BMP6: variants seen among roughly 807,000 people sequenced by gnomAD.
The protein encoded by BMP6 is VG-1-R.
In BMP6, 17 loss-of-function variants were observed where a neutral mutation model predicts 54.1. The ratio of observed to expected loss-of-function variants is 0.31; its 90% confidence interval spans 0.22 to 0.47. The LOEUF is 0.47. Among genes scored for constraint, BMP6 ranks in the 20% least tolerant of loss-of-function variants. BMP6 has a pLI of 1.00. For synonymous variants in BMP6, 328 were observed against 291.2 expected (o/e 1.13, Z -1.28); for missense variants, 720 against 690.4 (o/e 1.04, Z -0.48).
At chr6:7,847,252 T>C (rs531552407) in intron 2 of BMP6, among the ~76,000 whole-genome samples, 2 of 152,320 alleles carry the variant, frequency 1.3e-5, no homozygotes, top group South Asian at 2.1e-4. Context: ...ATTTGGCACC[T>C]GCATGTGTTT....
chr6:7,849,741 T>C (rs1759115497), intron 2 of BMP6, among the ~76,000 whole-genome samples: 1 of 152,252 alleles, frequency 6.6e-6, no homozygotes, highest in African/African-American at 2.4e-5. Flanking sequence ...ACGTTCAATA[T>C]CTGAACCGTG....
At chr6:7,813,439 A>G (rs1252610950) in intron 1 of BMP6, among the ~76,000 whole-genome samples, 1 of 114,680 alleles carries the variant, frequency 8.7e-6, no homozygotes, top group Non-Finnish European at 1.7e-5. Flanking sequence ...TGGGCAACAT[A>G]GTGAGATCCC....
At chr6:7,781,825 G>A (rs1757953082) in intron 1 of BMP6, among the ~76,000 whole-genome samples, 1 of 151,492 alleles carries the variant, frequency 6.6e-6, no homozygotes, top group Non-Finnish European at 1.5e-5. Context: ...GTCAGTGGGG[G>A]AATATGAAAC....
chr6:7,876,709 C>A (rs139749466), intron 4 of BMP6, among the ~76,000 whole-genome samples: 2 of 152,254 alleles, frequency 1.3e-5, no homozygotes, highest in Non-Finnish European at 2.9e-5. Context: ...TTAATCTGAT[C>A]TTTAGTTATA....
chr6:7,753,580 A>G (rs1757458630), intron 1 of BMP6, among the ~76,000 whole-genome samples: 1 of 152,208 alleles, frequency 6.6e-6, no homozygotes, highest in South Asian at 2.1e-4. Flanking sequence ...CACCCATATT[A>G]CAAAGAGCTT....
At chr6:7,782,489 T>C (rs1426825570) in intron 1 of BMP6, among the ~76,000 whole-genome samples, 1 of 152,060 alleles carries the variant, frequency 6.6e-6, no homozygotes, top group Non-Finnish European at 1.5e-5. Context: ...GGCGGGCAGA[T>C]TACCTGAGGT....
intron 1 of BMP6, among the ~76,000 whole-genome samples, chr6:7,765,839 T>A (rs1450165714): frequency 1.3e-5 from 2 of 152,228 alleles, no homozygotes; most frequent in Non-Finnish European, 2.9e-5. Flanking sequence ...CTGTTTCCAG[T>A]TCCTAGTAAC....
At chr6:7,821,739 A>C (rs1362504344) in intron 1 of BMP6, among the ~76,000 whole-genome samples, 2 of 152,204 alleles carry the variant, frequency 1.3e-5, no homozygotes. Flanking sequence ...AGATGCAGTA[A>C]GATCGTGCAC....
chr6:7,876,685 A>G (rs1759623501), intron 4 of BMP6, among the ~76,000 whole-genome samples: 1 of 152,184 alleles, frequency 6.6e-6, no homozygotes, highest in Non-Finnish European at 1.5e-5. Context: ...TTAGACAACT[A>G]ATGTTTAACC....
At chr6:7,785,048 C>A (rs967743174) in intron 1 of BMP6, among the ~76,000 whole-genome samples, 1 of 152,242 alleles carries the variant, frequency 6.6e-6, no homozygotes, top group Non-Finnish European at 1.5e-5. Flanking sequence ...TAGATGAATT[C>A]TGATCTCCCA....
At chr6:7,794,990 C>G (rs987157423) in intron 1 of BMP6, among the ~76,000 whole-genome samples, 3 of 152,126 alleles carry the variant, frequency 2.0e-5, no homozygotes, top group African/African-American at 7.2e-5. Flanking sequence ...CAGTACTATC[C>G]ATGGGAACAC....
intron 1 of BMP6, among the ~76,000 whole-genome samples, chr6:7,841,823 T>A (rs2113250306): frequency 6.6e-6 from 1 of 152,338 alleles, no homozygotes; most frequent in East Asian, 1.9e-4. Context: ...ATTGTTGTTT[T>A]GGTAGAGGAA....
chr6:7,853,998 G>A (rs1203828089), intron 2 of BMP6, among the ~76,000 whole-genome samples: 3 of 152,072 alleles, frequency 2.0e-5, no homozygotes, highest in Non-Finnish European at 4.4e-5. Context: ...AGAAGAGAAT[G>A]TTATGGAGAG....
intron 1 of BMP6, among the ~76,000 whole-genome samples, chr6:7,806,748 T>C (rs1449816396): frequency 6.6e-6 from 1 of 152,210 alleles, no homozygotes; most frequent in Admixed American, 6.5e-5. Context: ...CTAATGAAAT[T>C]AATATTTTCC....
chr6:7,869,114 C>G (rs527270691), intron 4 of BMP6, among the ~76,000 whole-genome samples: 1 of 152,260 alleles, frequency 6.6e-6, no homozygotes, highest in African/African-American at 2.4e-5. Flanking sequence ...GCCCTAGCCC[C>G]GTCATACTCA....
chr6:7,766,763 A>G (rs180780621), intron 1 of BMP6, among the ~76,000 whole-genome samples: 1 of 152,310 alleles, frequency 6.6e-6, no homozygotes, highest in East Asian at 1.9e-4. Flanking sequence ...TTGAAGGCCT[A>G]TCTTCTATGT....
chr6:7,850,712 T>C (rs187124829), intron 2 of BMP6, among the ~76,000 whole-genome samples: 74 of 152,302 alleles, frequency 4.9e-4, no homozygotes, highest in Admixed American at 3.0e-3. Flanking sequence ...GTTTGAGTCA[T>C]GGTATGAGTA....
chr6:7,753,524 CCTT>C (rs377455006), intron 1 of BMP6, among the ~76,000 whole-genome samples: 12 of 152,308 alleles, frequency 7.9e-5, no homozygotes, highest in African/African-American at 2.9e-4. Context: ...CCACAGCCCT[CCTT>C]CTGCACAGCG....
At chr6:7,795,710 A>G (rs945350855) in intron 1 of BMP6, among the ~76,000 whole-genome samples, 1 of 152,134 alleles carries the variant, frequency 6.6e-6, no homozygotes. Flanking sequence ...GGCCTGGGCT[A>G]AGGTAGGGAT....
Sources: allele counts gnomAD v4.1 joint callset (sites outside exome capture counted in the v4.1 genomes callset), GRCh38; gene constraint gnomAD v4.1.1; transcripts MANE v1.5; gene names NCBI Gene and HGNC (gene_info 2026-07-23, HGNC 2026-07-21).